SORCS2: variants seen among roughly 807,000 people sequenced by gnomAD.
The protein encoded by SORCS2 is VPS10 domain-containing receptor SorCS2.
In SORCS2, 100 loss-of-function variants were observed where a neutral mutation model predicts 141.6. That is an observed-to-expected ratio of 0.71 (90% CI 0.60 to 0.83). The LOEUF (loss-of-function observed/expected upper bound fraction) is 0.83, where lower values mean the gene tolerates loss of function less well. SORCS2 is among the 40% of genes least tolerant of loss of function. The probability of loss-of-function intolerance (pLI) is 0.00; values close to 1 mark genes in which losing one functional copy is unlikely to be tolerated. For synonymous variants in SORCS2, 789 were observed against 676.9 expected, an observed-to-expected ratio of 1.17 and a Z score of -2.57; for missense variants, 1,646 against 1,560.2, an observed-to-expected ratio of 1.05 and a Z score of -0.93.
At chr4:7,492,626 A>G (rs946050656) in intron 2 of SORCS2, among the ~76,000 whole-genome samples, 1 of 152,118 alleles carries the variant, frequency 6.6e-6, no homozygotes, top group Non-Finnish European at 1.5e-5. Flanking sequence ...CGTCTGTACT[A>G]TTTTCCACAG....
chr4:7,263,859 G>T (rs1020201704), intron 1 of SORCS2, among the ~76,000 whole-genome samples: 4 of 152,238 alleles, frequency 2.6e-5, no homozygotes, highest in Non-Finnish European at 5.9e-5. Flanking sequence ...CATCCACGGA[G>T]CTTGCTGGGC....
intron 3 of SORCS2, among the ~76,000 whole-genome samples, chr4:7,582,487 G>T (rs909880522): frequency 7.9e-5 from 12 of 152,086 alleles, no homozygotes; most frequent in Middle Eastern, 3.2e-3. Flanking sequence ...AAAGGCGGCC[G>T]CCCCCTCGCC....
At chr4:7,220,768 T>A (rs1177922934) in intron 1 of SORCS2, among the ~76,000 whole-genome samples, 1 of 152,160 alleles carries the variant, frequency 6.6e-6, no homozygotes, top group Admixed American at 6.5e-5. Context: ...CATGCCACTT[T>A]CCAGCTCCTT....
chr4:7,678,037 C>T (rs774104041), intron 9 of SORCS2, among the ~76,000 whole-genome samples: 1 of 152,198 alleles, frequency 6.6e-6, no homozygotes, highest in African/African-American at 2.4e-5. Flanking sequence ...CCTGCACCAC[C>T]GCATGCCATG....
At chr4:7,199,428 G>A (rs1727364378) in intron 1 of SORCS2, among the ~76,000 whole-genome samples, 1 of 152,174 alleles carries the variant, frequency 6.6e-6, no homozygotes, top group South Asian at 2.1e-4. Context: ...AGGTGTGGCT[G>A]AGGGGAGCAG....
At chr4:7,410,390 A>T (rs895800628) in intron 2 of SORCS2, among the ~76,000 whole-genome samples, 4 of 152,192 alleles carry the variant, frequency 2.6e-5, no homozygotes, top group Admixed American at 6.5e-5. Context: ...CAAGCATGGA[A>T]AGTCCTCTGT....
intron 2 of SORCS2, among the ~76,000 whole-genome samples, chr4:7,499,283 G>A (rs4455412): frequency 0.18 from 27,580 of 152,174 alleles, 4,350 homozygotes; most frequent in African/African-American, 0.43. Context: ...ACAGTGAGAC[G>A]AAGCCGGACT....
chr4:7,382,762 C>T (rs1054853227), intron 1 of SORCS2, among the ~76,000 whole-genome samples: 2 of 151,974 alleles, frequency 1.3e-5, no homozygotes, highest in Non-Finnish European at 2.9e-5. Context: ...AGGGCTGGGG[C>T]TGTCCAGTGG....
intron 2 of SORCS2, among the ~76,000 whole-genome samples, chr4:7,525,545 ATC>A (rs1176037038): frequency 6.6e-6 from 1 of 151,794 alleles, no homozygotes; most frequent in Non-Finnish European, 1.5e-5. Context: ...GTGTCACTCC[ATC>A]TTCCATGTCA....
chr4:7,434,631 C>T (rs765228596), intron 2 of SORCS2: 10 of 1,613,220 alleles, frequency 6.2e-6, no homozygotes, highest in East Asian at 4.5e-5. Flanking sequence ...TGTCAGACTC[C>T]GTGGCGTCAG....
chr4:7,380,411 C>A (rs537720144), intron 1 of SORCS2, among the ~76,000 whole-genome samples: 1 of 152,348 alleles, frequency 6.6e-6, no homozygotes, highest in African/African-American at 2.4e-5. Context: ...GCGAGCTCCC[C>A]GTCACCGGAC....
chr4:7,287,595 CG>C (rs1716314274), intron 1 of SORCS2, among the ~76,000 whole-genome samples: 1 of 152,340 alleles, frequency 6.6e-6, no homozygotes, highest in East Asian at 1.9e-4. Flanking sequence ...GTGCCGCCCT[CG>C]GGAGAGAAAG....
intron 2 of SORCS2, among the ~76,000 whole-genome samples, chr4:7,514,701 G>A (rs1223097248): frequency 1.3e-5 from 2 of 152,108 alleles, no homozygotes; most frequent in African/African-American, 4.8e-5. Flanking sequence ...CAGTGATGTT[G>A]ATGACACCAT....
At chr4:7,458,140 A>G (rs1729042168) in intron 2 of SORCS2, among the ~76,000 whole-genome samples, 1 of 152,144 alleles carries the variant, frequency 6.6e-6, no homozygotes, top group African/African-American at 2.4e-5. Flanking sequence ...GTCTTCCGGA[A>G]AGAGGGAAGA....
chr4:7,674,318 G>T (rs1040214217), intron 8 of SORCS2, among the ~76,000 whole-genome samples: 6 of 152,068 alleles, frequency 3.9e-5, no homozygotes, highest in Non-Finnish European at 5.9e-5. Context: ...GGTGGCTCAC[G>T]CCTGTAATCC....
chr4:7,255,352 G>T (rs1305081089), intron 1 of SORCS2, among the ~76,000 whole-genome samples: 1 of 152,150 alleles, frequency 6.6e-6, no homozygotes, highest in Non-Finnish European at 1.5e-5. Context: ...TTCATATTGT[G>T]CCGTAGTTCC....
intron 1 of SORCS2, among the ~76,000 whole-genome samples, chr4:7,294,706 CCTCCTCCT>C (rs1560170219): frequency 1.9e-5 from 2 of 102,976 alleles, no homozygotes; most frequent in African/African-American, 7.6e-5. Flanking sequence ...CTCTCCCTCC[CCTCCTCCT>C]CTCCCTCCTC....
intron 2 of SORCS2, among the ~76,000 whole-genome samples, chr4:7,505,690 G>A (rs1732234711): frequency 6.6e-6 from 1 of 152,136 alleles, no homozygotes; most frequent in Non-Finnish European, 1.5e-5. Context: ...GGCTCTGCCA[G>A]CGGGAACACG....
intron 1 of SORCS2, among the ~76,000 whole-genome samples, chr4:7,366,487 C>T (rs1721902199): frequency 6.7e-6 from 1 of 148,262 alleles, no homozygotes; most frequent in Non-Finnish European, 1.5e-5. Flanking sequence ...CCCCCTCTCT[C>T]CCCCAACACT....
Sources: gnomAD v4.1 joint callset for allele counts (sites outside exome capture counted in the v4.1 genomes callset) on GRCh38, gnomAD v4.1.1 for gene constraint, MANE v1.5 for transcripts, NCBI Gene and HGNC (gene_info 2026-07-23, HGNC 2026-07-21) for gene names.